CDH4: variants seen among roughly 807,000 people sequenced by gnomAD.
CDH4 encodes cadherin 4, also known as cadherin-4.
In CDH4, 33 loss-of-function variants were observed where a neutral mutation model predicts 86.0. That is an observed-to-expected ratio of 0.38 (90% CI 0.29 to 0.51). The LOEUF (loss-of-function observed/expected upper bound fraction) is 0.51. Among genes scored for constraint, CDH4 ranks in the 20% least tolerant of loss-of-function variants. The pLI, the probability that CDH4 is intolerant of heterozygous loss-of-function variation, is 0.86. For missense variants in CDH4, 1,114 were observed against 1,307.4 expected, an observed-to-expected ratio of 0.85 and a Z score of 2.28; for synonymous variants, 555 against 549.4, an observed-to-expected ratio of 1.01 and a Z score of -0.14.
At chr20:61,745,073 A>G (rs2088397394) in intron 3 of CDH4, among the ~76,000 whole-genome samples, 1 of 152,154 alleles carries the variant, frequency 6.6e-6, no homozygotes, top group Non-Finnish European at 1.5e-5. Flanking sequence ...TGAGGCCTCT[A>G]TGGGGTCGTT....
At chr20:61,694,292 C>T (rs530556312) in intron 2 of CDH4, among the ~76,000 whole-genome samples, 1 of 152,206 alleles carries the variant, frequency 6.6e-6, no homozygotes, top group East Asian at 1.9e-4. Context: ...CTTTATGGAC[C>T]AGGCACTGCT....
chr20:61,739,535 A>C (rs965424736), intron 2 of CDH4, among the ~76,000 whole-genome samples: 1 of 152,230 alleles, frequency 6.6e-6, no homozygotes, highest in African/African-American at 2.4e-5. Flanking sequence ...ATGGGAGCCA[A>C]CATCCCAGCC....
intron 6 of CDH4, among the ~76,000 whole-genome samples, chr20:61,871,569 G>A (rs1396435295): frequency 2.6e-5 from 4 of 152,190 alleles, no homozygotes; most frequent in Non-Finnish European, 5.9e-5. Flanking sequence ...GCACTTCAGG[G>A]TTTTCCTCTT....
At chr20:61,851,001 A>G (rs1982696489) in intron 5 of CDH4, among the ~76,000 whole-genome samples, 1 of 152,182 alleles carries the variant, frequency 6.6e-6, no homozygotes, top group Non-Finnish European at 1.5e-5. Flanking sequence ...ATTTTAGCTC[A>G]GAATTACTTT....
intron 2 of CDH4, among the ~76,000 whole-genome samples, chr20:61,690,431 G>A (rs980885074): frequency 6.6e-6 from 1 of 152,134 alleles, no homozygotes; most frequent in African/African-American, 2.4e-5. Flanking sequence ...GGGTAGCCCA[G>A]GTGATGCCAG....
chr20:61,331,640 C>T (rs1452815105), intron 2 of CDH4, among the ~76,000 whole-genome samples: 2,778 of 16,410 alleles, frequency 0.17, 1 homozygote, highest in Non-Finnish European at 0.18. Context: ...GCCCCAGACC[C>T]ACCTCCCGCC....
At chr20:61,276,166 T>C (rs2084230763) in intron 2 of CDH4, among the ~76,000 whole-genome samples, 1 of 152,218 alleles carries the variant, frequency 6.6e-6, no homozygotes, top group Admixed American at 6.5e-5. Flanking sequence ...TGCCTGTCTT[T>C]TGGCACAGAA....
At chr20:61,271,619 C>T (rs2084183493) in intron 2 of CDH4, among the ~76,000 whole-genome samples, 1 of 152,308 alleles carries the variant, frequency 6.6e-6, no homozygotes, top group East Asian at 1.9e-4. Context: ...CCAAACATCT[C>T]CCACGCTCTC....
chr20:61,918,398 G>A (rs1414350868), intron 9 of CDH4, among the ~76,000 whole-genome samples: 1 of 152,174 alleles, frequency 6.6e-6, no homozygotes, highest in African/African-American at 2.4e-5. Flanking sequence ...ACAAGGGGGT[G>A]CCCACTCCCT....
At position 61,554,665 on chromosome 20, in the gene CDH4, G is replaced by T. The variant is rs138401038; in HGVS notation, c.170-188898G>T. Among the ~76,000 whole-genome samples the T allele has an allele frequency of 3.9e-4, 60 of 152,370 alleles. No homozygotes were observed. The East Asian group carries it at 0.011, about 29-fold the overall frequency. On this transcript the variant is annotated intron_variant, in intron 2 of 15. Transcript: ENST00000614565. ...GCAACCAGTGCTGAGCCTGCAGTGG[G>T]TGGGTCAGCCGGCAGAGCAGGAGAA...
chr20:61,533,147 G>A (rs923604986), intron 2 of CDH4, among the ~76,000 whole-genome samples: 1 of 152,150 alleles, frequency 6.6e-6, no homozygotes, highest in Non-Finnish European at 1.5e-5. Context: ...AGAAGAAGGG[G>A]ACTTGGGTTG....
intron 2 of CDH4, among the ~76,000 whole-genome samples, chr20:61,310,746 T>A (rs768123222): frequency 7.2e-5 from 11 of 152,304 alleles, no homozygotes; most frequent in Non-Finnish European, 1.2e-4. Flanking sequence ...GGTTGGGTTT[T>A]CCTGGGGCCT....
At chr20:61,862,034 C>T (rs1398600678) in intron 6 of CDH4, among the ~76,000 whole-genome samples, 2 of 152,320 alleles carry the variant, frequency 1.3e-5, no homozygotes, top group South Asian at 2.1e-4. Flanking sequence ...TCCCTGTCCC[C>T]GGGCCCTGGC....
At chr20:61,526,000 C>T (rs916419371) in intron 2 of CDH4, among the ~76,000 whole-genome samples, 13 of 152,194 alleles carry the variant, frequency 8.5e-5, no homozygotes, top group African/African-American at 2.9e-4. Flanking sequence ...CTCCATTTTA[C>T]AGAAGAGGAA....
intron 3 of CDH4, among the ~76,000 whole-genome samples, chr20:61,751,865 G>T (rs923210731): frequency 3.9e-5 from 6 of 152,162 alleles, no homozygotes; most frequent in African/African-American, 1.4e-4. Context: ...AAAGTAAAAT[G>T]ACCCCTACCT....
intron 2 of CDH4, among the ~76,000 whole-genome samples, chr20:61,569,473 A>G (rs2086325944): frequency 1.3e-5 from 2 of 152,114 alleles, no homozygotes; most frequent in Non-Finnish European, 2.9e-5. Context: ...TCTCTCTCAC[A>G]TCTATCTCAG....
At position 61,734,515 on chromosome 20, in the gene CDH4, A is replaced by C. The variant is rs1241141938; in HGVS notation, c.170-9048A>C. Among the ~76,000 whole-genome samples the C allele has an allele frequency of 5.3e-5, 8 of 152,370 alleles. No individual in the cohort carries two copies. In the East Asian group the frequency reaches 1.5e-3, roughly 29 times the overall value. ...CTACACGGGATCTGGAGGTGCCCAGAGCCCCAGACGGGGAGGGACGGCCTT... is the reference window on the plus strand; with the variant it reads ...CTACACGGGATCTGGAGGTGCCCAGCGCCCCAGACGGGGAGGGACGGCCTT... On this transcript the variant is annotated intron_variant, in intron 2 of 15. Transcript: ENST00000614565.
chr20:61,530,762 C>T (rs938400781), intron 2 of CDH4, among the ~76,000 whole-genome samples: 5 of 152,036 alleles, frequency 3.3e-5, no homozygotes, highest in African/African-American at 7.2e-5. Flanking sequence ...AGCAGGTGAG[C>T]GCACAACAGA....
chr20:61,567,111 T>C (rs1375335121), intron 2 of CDH4, among the ~76,000 whole-genome samples: 2 of 152,260 alleles, frequency 1.3e-5, no homozygotes, highest in South Asian at 2.1e-4. Context: ...CAAGCTGCCA[T>C]CCAAAAATCA....
Sources: gnomAD v4.1 joint callset for allele counts (sites outside exome capture counted in the v4.1 genomes callset) on GRCh38, gnomAD v4.1.1 for gene constraint, MANE v1.5 for transcripts, NCBI Gene and HGNC (gene_info 2026-07-23, HGNC 2026-07-21) for gene names.